PRDM2: variants seen among roughly 807,000 people sequenced by gnomAD.
PRDM2 encodes PR domain zinc finger protein 2.
Under a neutral mutation model 130.0 loss-of-function variants are expected in PRDM2, and 30 were observed. The observed-to-expected ratio is 0.23, with a 90% CI of 0.17 to 0.31. The LOEUF is 0.31. Ranked by LOEUF, PRDM2 falls within the 10% of genes least tolerant of loss-of-function variation. PRDM2 has a pLI of 1.00. For missense variants in PRDM2, 2,011 were observed against 2,108.4 expected (o/e 0.95, Z 0.90); for synonymous variants, 871 against 782.4 (o/e 1.11, Z -1.89).
intron 5 of PRDM2, among the ~76,000 whole-genome samples, chr1:13,747,404 A>G (rs1299009715): frequency 2.0e-5 from 3 of 152,246 alleles, no homozygotes; most frequent in African/African-American, 4.8e-5. Flanking sequence ...TGTTCTTTCA[A>G]CAGATTAGTT....
chr1:13,757,867 C>T (rs1279453248), intron 6 of PRDM2, among the ~76,000 whole-genome samples: 1 of 140,548 alleles, frequency 7.1e-6, no homozygotes, highest in African/African-American at 2.7e-5. Context: ...GTTTTGTTTG[C>T]TGATAAAGCT....
chr1:13,762,208 A>G (rs1044279301), intron 6 of PRDM2, among the ~76,000 whole-genome samples: 1 of 152,256 alleles, frequency 6.6e-6, no homozygotes, highest in African/African-American at 2.4e-5. Flanking sequence ...ACCAGTATAT[A>G]TCAGAGCTGG....
At chr1:13,789,528 G>A (rs980087595) in intron 8 of PRDM2, among the ~76,000 whole-genome samples, 2 of 152,114 alleles carry the variant, frequency 1.3e-5, no homozygotes, top group African/African-American at 4.8e-5. Context: ...GTTCCCCAGA[G>A]GCTAGGTGGA....
Position 13,732,764 on chromosome 1 carries a change from G to A in PRDM2, c.128-15G>A. 2 of 1,522,282 alleles carry A rather than the reference G, an allele frequency of 1.3e-6. No individual in the cohort carries two copies. Among genetic ancestry groups the A allele is most frequent in the East Asian group, 2.3e-5 (1 of 43,908 alleles). The allele number at this position is 1,522,282 out of a possible 1,614,324, so 94.3% of individuals were successfully genotyped here. A position where few individuals can be genotyped will look rare whatever the true frequency, so the allele number is the denominator to read the frequency against. ...AACCATGATACATTATAAAAATACT[G>A]ATTTTATTTTCTAGGTGTCTGGGCC... On this transcript the variant is annotated splice_polypyrimidine_tract_variant and intron_variant, in intron 3 of 9. Transcript: ENST00000311066.
chr1:13,780,868 C>G lies in PRDM2; in HGVS notation c.3073C>G (p.Pro1025Ala), dbSNP rs1315823546. ...ACAGTCCCCACTTCCAATTCTGTCC[C>G]CAACAGTGTCCCCCTCTCCCTCTCC... ...TAQSPLPILS[P>A]TVSPSPSPIP... is the part of the protein sequence containing the mutation. Residue 1025 changes from proline (P) to alanine (A), a missense_variant, in exon 8 of 10, where the codon CCA (proline) becomes GCA (alanine). By Grantham distance (27) the Pro-to-Ala change is conservative. Coordinates refer to ENST00000311066, the MANE Select transcript of PRDM2 (RefSeq NM_001393986.1). 47 of 1,612,330 alleles carry G rather than the reference C, an allele frequency of 2.9e-5. No individual in the cohort carries two copies. Among genetic ancestry groups the G allele is most frequent in the Non-Finnish European group, 3.8e-5 (45 of 1,178,814 alleles).
At chr1:13,801,972 C>T (rs1645014187) in intron 8 of PRDM2, among the ~76,000 whole-genome samples, 1 of 152,182 alleles carries the variant, frequency 6.6e-6, no homozygotes, top group African/African-American at 2.4e-5. Context: ...CAGCCAGGAT[C>T]AGAGTCATCT....
chr1:13,721,422 A>G (rs1269359004), intron 2 of PRDM2, among the ~76,000 whole-genome samples: 1 of 151,840 alleles, frequency 6.6e-6, no homozygotes, highest in Non-Finnish European at 1.5e-5. Context: ...TTTTTTATAG[A>G]TAATTATAAA....
intron 8 of PRDM2, among the ~76,000 whole-genome samples, chr1:13,793,284 G>T (rs1644870505): frequency 6.6e-6 from 1 of 152,274 alleles, no homozygotes; most frequent in African/African-American, 2.4e-5. Context: ...TGTGTTCCCA[G>T]TGAGGATCCA....
chr1:13,743,399 C>CAAAA (rs70984282), intron 5 of PRDM2, among the ~76,000 whole-genome samples: 1 of 41,778 alleles, frequency 2.4e-5, no homozygotes, highest in African/African-American at 1.0e-4. Context: ...GACTCTGTCT[C>CAAAA]AAAAAAAAAA....
At chr1:13,772,916 T>A (rs1370963681) in intron 6 of PRDM2, among the ~76,000 whole-genome samples, 162 bp from the exon 7 acceptor site, 2 of 152,230 alleles carry the variant, frequency 1.3e-5, no homozygotes, top group Non-Finnish European at 2.9e-5. Flanking sequence ...CATCATTCAT[T>A]CCTTTCTTTA....
At position 13,700,591 on chromosome 1, in the gene PRDM2, A is replaced by G; in HGVS notation, c.-66+291A>G. ...CGGGATTCGGTTTGTCGCCGTGAAG[A>G]GCCGCGCGCCCCGCGGGGGACGCGT... is the stretch of plus-strand genomic sequence containing the variant. On this transcript the variant is annotated intron_variant, in intron 1 of 9. Transcript: ENST00000311066. Among the ~76,000 whole-genome samples the G allele has an allele frequency of 2.0e-5, 3 of 151,108 alleles. No individual in the cohort carries two copies. The South Asian group carries it at 6.3e-4, about 31-fold the overall frequency.
intron 8 of PRDM2, among the ~76,000 whole-genome samples, chr1:13,808,880 G>A (rs1477532855): frequency 1.3e-5 from 2 of 152,180 alleles, no homozygotes; most frequent in African/African-American, 4.8e-5. Context: ...ACCTGACCAG[G>A]GCCATGTTGC....
chr1:13,732,730 C>T, intron 3 of PRDM2, 49 bp from the exon 4 acceptor site: 2 of 1,346,200 alleles, frequency 1.5e-6, no homozygotes, highest in Non-Finnish European at 2.1e-6. Context: ...TGGTTTCAAT[C>T]TTTAAAATAA....
At chr1:13,765,472 G>GTT (rs939711968) in intron 6 of PRDM2, among the ~76,000 whole-genome samples, 2 of 146,174 alleles carry the variant, frequency 1.4e-5, no homozygotes. Flanking sequence ...CTATTCTTTT[G>GTT]TTTTTTTTTT....
chr1:13,722,681 T>G (rs1314611930), intron 2 of PRDM2, among the ~76,000 whole-genome samples: 1 of 152,084 alleles, frequency 6.6e-6, no homozygotes, highest in Non-Finnish European at 1.5e-5. Flanking sequence ...ACCAATCCCC[T>G]GTCCCCACCC....
intron 6 of PRDM2, among the ~76,000 whole-genome samples, chr1:13,767,240 A>T (rs951483183): frequency 5.3e-5 from 8 of 151,962 alleles, no homozygotes; most frequent in African/African-American, 1.4e-4. Context: ...AAATAGAAAT[A>T]AAAAAAAGCA....
intron 7 of PRDM2, 141 bp downstream of exon 7, chr1:13,773,329 A>G: frequency 2.1e-6 from 1 of 474,694 alleles, no homozygotes; most frequent in Non-Finnish European, 3.7e-6. Context: ...CCTAAATTTA[A>G]TGTGGTAAGC....
chr1:13,822,013 G>A (rs1221590494), intron 9 of PRDM2, among the ~76,000 whole-genome samples: 1 of 152,178 alleles, frequency 6.6e-6, no homozygotes, highest in African/African-American at 2.4e-5. Flanking sequence ...GGGGATCTGT[G>A]TTGCCTGCCA....
At chr1:13,823,035 CTATG>C in intron 9 of PRDM2, 120 bp from the exon 10 acceptor site, 1 of 938,332 alleles carries the variant, frequency 1.1e-6, no homozygotes, top group Non-Finnish European at 1.7e-6. Context: ...GCTTTTTGCT[CTATG>C]TATGGTATGT....
Sources: allele counts gnomAD v4.1 joint callset (sites outside exome capture counted in the v4.1 genomes callset), GRCh38; gene constraint gnomAD v4.1.1; transcripts MANE v1.5; gene names NCBI Gene and HGNC (gene_info 2026-07-23, HGNC 2026-07-21).